The following MGST3 variants were observed in gnomAD, a reference collection of about 807,000 sequenced individuals.
MGST3 encodes microsomal glutathione S-transferase 3, also known as glutathione S-transferase 3, mitochondrial.
A neutral mutation model predicts 15.8 loss-of-function variants in MGST3; 13 were observed. The ratio of observed to expected loss-of-function variants is 0.82; its 90% CI spans 0.54 to 1.31. MGST3 has a LOEUF of 1.31. MGST3 is among the 50% of genes most tolerant of loss of function. The pLI, the probability that MGST3 is intolerant of heterozygous loss-of-function variation, is 0.00. For synonymous variants in MGST3, 49 were observed against 68.1 expected, an observed-to-expected ratio of 0.72 and a Z score of 1.38; for missense variants, 155 against 192.4, an observed-to-expected ratio of 0.81 and a Z score of 1.15.
Position 165,655,869 on chromosome 1 carries a change from C to A in MGST3, c.*365C>A. On this transcript the variant is annotated 3_prime_UTR_variant, in exon 6 of 6. Coordinates refer to ENST00000367889, the MANE Select transcript of MGST3 (RefSeq NM_004528.4). Reference sequence around the variant, plus strand: ...TGCATTATCACTTGCTACAGATACTCCAAGGCCAAAGGAATGCTTGAGCCT... The same window carrying A: ...TGCATTATCACTTGCTACAGATACTACAAGGCCAAAGGAATGCTTGAGCCT... The A allele has an allele frequency of 3.8e-6, 1 of 265,238 alleles. No individual in the cohort carries two copies. The highest frequency in any genetic ancestry group is 7.4e-6 in the Non-Finnish European group (1 of 135,716). 16.4% of individuals were successfully genotyped at this position (265,238 alleles called of 1,614,324 possible). A position where few individuals can be genotyped will look rare whatever the true frequency, so the allele number is the denominator to read the frequency against.
chr1:165,632,177 T>TACTA (rs1557989145), intron 1 of MGST3: 3 of 1,492,552 alleles, frequency 2.0e-6, no homozygotes, highest in Non-Finnish European at 2.8e-6. Flanking sequence ...GAAAAGCAGA[T>TACTA]ACTAGGATGG....
rs9333425 is a variant in MGST3, at chr1:165,641,524, A to C, written c.-7-8317A>C. On this transcript the variant is annotated intron_variant, in intron 1 of 5. Coordinates refer to ENST00000367889, the MANE Select transcript of MGST3 (RefSeq NM_004528.4). ...AACTGATTTGTAGAAAAACCAGTAT[A>C]TCCTCATTTAGGAACTGTTGCATAT... Among the ~76,000 whole-genome samples the C allele has an allele frequency of 9.9e-3, 1,501 of 152,368 alleles. 53 individuals are homozygous for C. Among genetic ancestry groups the C allele is most frequent in the Admixed American group, 0.059 (904 of 15,302 alleles).
chr1:165,651,685 C>T, intron 3 of MGST3: 1 of 374,372 alleles, frequency 2.7e-6, no homozygotes, highest in Non-Finnish European at 5.0e-6. Context: ...GGGTGGATCA[C>T]TTGAGGTCAG....
At chr1:165,652,890 C>T (rs1648603214) in intron 4 of MGST3, among the ~76,000 whole-genome samples, 1 of 152,204 alleles carries the variant, frequency 6.6e-6, no homozygotes, top group African/African-American at 2.4e-5. Flanking sequence ...GCAAGTTTAT[C>T]AGCCTCTAAT....
intron 2 of MGST3, chr1:165,650,802 T>G: frequency 1.7e-6 from 1 of 584,218 alleles, no homozygotes. Context: ...CAGACATACA[T>G]TCTTATTCCT....
chr1:165,648,259 G>C (rs1648461885), intron 1 of MGST3, among the ~76,000 whole-genome samples: 1 of 152,256 alleles, frequency 6.6e-6, no homozygotes, highest in Non-Finnish European at 1.5e-5. Context: ...GCCCCCGGAG[G>C]GGCAGCGGGC....
chr1:165,655,399 G>A lies in MGST3; in HGVS notation c.354G>A (p.Gly118=). 6.2e-7 allele frequency: 1 copy of A among 1,614,000 alleles called. No individual in the cohort carries two copies. Among genetic ancestry groups the A allele is most frequent in the Non-Finnish European group, 8.5e-7 (1 of 1,179,978 alleles). ...GCAAGCGTAGTCGAGGAGCCCTGGGGTCCATCGCCCTCCTGGGCTTGGTGG... is the reference window on the plus strand; with the variant it reads ...GCAAGCGTAGTCGAGGAGCCCTGGGATCCATCGCCCTCCTGGGCTTGGTGG... The part of the protein sequence containing the change: ...EPSKRSRGAL[G]SIALLGLVGT... The change falls in exon 6 of 6, where the codon GGG becomes GGA. Residue 118 remains glycine, a synonymous_variant. Coordinates refer to ENST00000367889, the MANE Select transcript of MGST3 (RefSeq NM_004528.4).
chr1:165,634,117 T>A (rs1372587309), intron 1 of MGST3, among the ~76,000 whole-genome samples: 1 of 152,104 alleles, frequency 6.6e-6, no homozygotes, highest in African/African-American at 2.4e-5. Context: ...TCTCTTCTTG[T>A]TAATGTATTT....
chr1:165,636,128 C>A (rs537740429), intron 1 of MGST3, among the ~76,000 whole-genome samples: 58 of 152,010 alleles, frequency 3.8e-4, no homozygotes, highest in Admixed American at 6.6e-4. Flanking sequence ...TAGTCTGAAC[C>A]CAAAGAAATC....
chr1:165,634,821 A>G (rs1003684774), intron 1 of MGST3, among the ~76,000 whole-genome samples: 1 of 34,288 alleles, frequency 2.9e-5, no homozygotes, highest in Admixed American at 4.2e-4. Flanking sequence ...TGTGTATTCT[A>G]GAGAGTCAGG....
chr1:165,640,491 T>C (rs1648234515), intron 1 of MGST3, among the ~76,000 whole-genome samples: 1 of 152,032 alleles, frequency 6.6e-6, no homozygotes, highest in Non-Finnish European at 1.5e-5. Context: ...ATTTTGTTTT[T>C]GCTCAGAACA....
rs9333411 is a variant in MGST3 at position 165,639,795 on chromosome 1, C to T, written c.-8+8502C>T. Among the ~76,000 whole-genome samples, 664 of 152,130 alleles carry T rather than the reference C, an allele frequency of 4.4e-3. 4 individuals are homozygous for T. The highest frequency in any genetic ancestry group is 0.024 in the Middle Eastern group (7 of 294). On this transcript the variant is annotated intron_variant, in intron 1 of 5. Coordinates refer to ENST00000367889, the MANE Select transcript of MGST3 (RefSeq NM_004528.4). ...TCCAGCCTTGGTGACAGAGCAAGAC[C>T]CTGTCTCAAAACAAAACAAAACAAA...
intron 1 of MGST3, among the ~76,000 whole-genome samples, chr1:165,640,181 A>C (rs1648225203): frequency 6.6e-6 from 1 of 152,200 alleles, no homozygotes. Context: ...TGGTGGTCAC[A>C]GGATAGAGAC....
intron 3 of MGST3, chr1:165,651,577 C>T: frequency 3.4e-6 from 1 of 296,214 alleles, no homozygotes; most frequent in Non-Finnish European, 6.5e-6. Context: ...TTTTTACCCC[C>T]AAGCTTCTAA....
chr1:165,638,444 G>T (rs892274434), intron 1 of MGST3, among the ~76,000 whole-genome samples: 1 of 152,058 alleles, frequency 6.6e-6, no homozygotes, highest in Admixed American at 6.6e-5. Flanking sequence ...TTCCACTCCA[G>T]CCCGGATGAC....
intron 4 of MGST3, 135 bp downstream of exon 4, chr1:165,652,170 A>T (rs531709588): frequency 2.7e-6 from 2 of 742,356 alleles, no homozygotes; most frequent in Non-Finnish European, 4.8e-6. Context: ...ATTTTATTCA[A>T]TTATTTCTTA....
chr1:165,647,054 ACT>A (rs1433232643), intron 1 of MGST3: 1 of 151,930 alleles, frequency 6.6e-6, no homozygotes, highest in Admixed American at 6.6e-5. Context: ...GTAGCATCAG[ACT>A]CTGGGTACCC....
chr1:165,635,362 AGAG>A (rs1648079935), intron 1 of MGST3, among the ~76,000 whole-genome samples: 2 of 152,334 alleles, frequency 1.3e-5, no homozygotes, highest in South Asian at 2.1e-4. Flanking sequence ...GTTTTTTCTC[AGAG>A]GAGATTTCAT....
chr1:165,639,413 A>G lies in MGST3; in HGVS notation c.-8+8120A>G, dbSNP rs9333408. On this transcript the variant is annotated intron_variant, in intron 1 of 5. Transcript: ENST00000367889. ...TCTCTTTGCCTCCATTTCCTCATCC[A>G]TAGAATGGGGATAATAATAGTAACT... 5.3e-3 allele frequency among the ~76,000 whole-genome samples: 809 copies of G among 152,302 alleles called. 10 individuals carry two copies. Among genetic ancestry groups the G allele is most frequent in the African/African-American group, 0.019 (779 of 41,562 alleles).
Sources: gnomAD v4.1 joint callset for allele counts (sites outside exome capture counted in the v4.1 genomes callset) on GRCh38, gnomAD v4.1.1 for gene constraint, MANE v1.5 for transcripts, NCBI Gene and HGNC (gene_info 2026-07-23, HGNC 2026-07-21) for gene names.